The following MYL12A variants were observed in gnomAD, a reference collection of about 807,000 sequenced individuals.
The protein encoded by MYL12A is myosin regulatory light chain 12A.
MYL12A carries 11 observed loss-of-function variants against 13.3 expected under a neutral mutation model. The observed-to-expected ratio is 0.83, with a 90% CI of 0.52 to 1.37. The LOEUF (loss-of-function observed/expected upper bound fraction) is 1.37, where lower values mean the gene tolerates loss of function less well. Among genes scored for constraint, MYL12A ranks in the 40% most tolerant of loss-of-function variants. MYL12A has a pLI of 0.00. For missense variants in MYL12A, 146 were observed against 212.3 expected (o/e 0.69, Z 1.94); for synonymous variants, 51 against 69.9 (o/e 0.73, Z 1.35).
intron 1 of MYL12A, among the ~76,000 whole-genome samples, 178 bp from the exon 2 acceptor site, chr18:3,253,052 ATAT>A (rs1451945682): frequency 6.6e-6 from 1 of 152,180 alleles, no homozygotes; most frequent in Non-Finnish European, 1.5e-5. Flanking sequence ...GTTGTTAGTT[ATAT>A]AGCAGTACAG....
chr18:3,255,640 G>A, intron 3 of MYL12A, 106 bp from the exon 4 acceptor site: 1 of 1,352,200 alleles, frequency 7.4e-7, no homozygotes, highest in Non-Finnish European at 9.9e-7. Context: ...ATATTTGCAT[G>A]TTTATAGTTT....
chr18:3,250,544 G>A (rs763976871), intron 1 of MYL12A, among the ~76,000 whole-genome samples: 4 of 152,158 alleles, frequency 2.6e-5, no homozygotes, highest in African/African-American at 7.2e-5. Context: ...ACTCCCTATC[G>A]CTGAAAGGTT....
At chr18:3,250,772 A>G (rs370524567) in intron 1 of MYL12A, among the ~76,000 whole-genome samples, 1 of 152,140 alleles carries the variant, frequency 6.6e-6, no homozygotes, top group South Asian at 2.1e-4. Flanking sequence ...CTCCTCCCCA[A>G]TCCCTTAATT....
At chr18:3,253,495 TGAGTCTTA>T in intron 2 of MYL12A, 67 bp downstream of exon 2, 1 of 1,560,542 alleles carries the variant, frequency 6.4e-7, no homozygotes, top group South Asian at 1.2e-5. Context: ...CTTGATTTCA[TGAGTCTTA>T]AAGCTCTGTA....
chr18:3,251,558 C>T (rs990504233), intron 1 of MYL12A, among the ~76,000 whole-genome samples: 2 of 152,168 alleles, frequency 1.3e-5, no homozygotes, highest in African/African-American at 4.8e-5. Context: ...GCTCCAAGTC[C>T]TTGCGTACAT....
intron 3 of MYL12A, chr18:3,255,482 C>T (rs1178373577): frequency 1.7e-5 from 6 of 343,402 alleles, no homozygotes; most frequent in East Asian, 4.9e-5. Context: ...TAGGTTTAGT[C>T]TCTCTTATCA....
At chr18:3,248,820 A>G (rs1399913561) in intron 1 of MYL12A, among the ~76,000 whole-genome samples, 1 of 152,232 alleles carries the variant, frequency 6.6e-6, no homozygotes, top group Non-Finnish European at 1.5e-5. Flanking sequence ...TTCAACCGGA[A>G]GTTTGCATAA....
At position 3,256,014 on chromosome 18, in the gene MYL12A, C is replaced by T; in HGVS notation, c.*96C>T. The T allele has an allele frequency of 6.8e-7, 1 of 1,468,790 alleles. No homozygotes were observed. Among genetic ancestry groups the T allele is most frequent in the Non-Finnish European group, 9.2e-7 (1 of 1,086,998 alleles). The allele number at this position is 1,468,790 out of a possible 1,614,324, so 91.0% of individuals were successfully genotyped here. On this transcript the variant is annotated 3_prime_UTR_variant, in exon 4 of 4. Transcript: ENST00000217652. ...CCTTAGCTTTACAGCTTTTGCATTTCCTGTTGTATTTATTCTCAGCCATTT... is the reference window on the plus strand; with the variant it reads ...CCTTAGCTTTACAGCTTTTGCATTTTCTGTTGTATTTATTCTCAGCCATTT...
chr18:3,251,012 T>A (rs1444983189), intron 1 of MYL12A, among the ~76,000 whole-genome samples: 3 of 148,582 alleles, frequency 2.0e-5, no homozygotes, highest in Non-Finnish European at 4.5e-5. Context: ...AACTCTTAGC[T>A]AGTATTCAAC....
chr18:3,250,441 C>G (rs970130615), intron 1 of MYL12A, among the ~76,000 whole-genome samples: 1 of 152,136 alleles, frequency 6.6e-6, no homozygotes, highest in Admixed American at 6.5e-5. Context: ...TGATTTGACT[C>G]CCTCCACCAT....
chr18:3,250,333 G>A (rs996255327), intron 1 of MYL12A, among the ~76,000 whole-genome samples: 1 of 152,136 alleles, frequency 6.6e-6, no homozygotes, highest in Non-Finnish European at 1.5e-5. Context: ...AGTCTAAATT[G>A]TTTGAAGGAA....
intron 1 of MYL12A, chr18:3,248,463 T>G (rs977336736): frequency 1.3e-5 from 2 of 152,176 alleles, no homozygotes; most frequent in Admixed American, 6.5e-5. Context: ...CTTGTCCCAT[T>G]TGGGGGGAAA....
At chr18:3,253,558 C>T in intron 2 of MYL12A, 130 bp downstream of exon 2, 4 of 1,177,770 alleles carry the variant, frequency 3.4e-6, no homozygotes, top group Non-Finnish European at 4.7e-6. Context: ...AAGTGTGGAA[C>T]AGTGTTTCCC....
At position 3,255,980 on chromosome 18, in the gene MYL12A, C is replaced by G; in HGVS notation, c.*62C>G. 1.9e-6 allele frequency: 3 copies of G among 1,570,696 alleles called. No homozygotes were observed. The highest frequency in any genetic ancestry group is 2.6e-6 in the Non-Finnish European group (3 of 1,153,370). The stretch of plus-strand genomic sequence containing the variant: ...CACTTTGGGTATTCTGAGATTTTCT[C>G]TTGCATGCCCTTAGCTTTACAGCTT... On this transcript the variant is annotated 3_prime_UTR_variant, in exon 4 of 4. Coordinates refer to ENST00000217652, the MANE Select transcript of MYL12A (RefSeq NM_006471.4).
chr18:3,255,655 C>G, intron 3 of MYL12A, 91 bp from the exon 4 acceptor site: 1 of 1,405,870 alleles, frequency 7.1e-7, no homozygotes, highest in Non-Finnish European at 9.5e-7. Flanking sequence ...TAGTTTGTAA[C>G]ATACAGAACA....
intron 3 of MYL12A, 129 bp from the exon 4 acceptor site, chr18:3,255,617 C>A: frequency 1.7e-6 from 2 of 1,196,900 alleles, no homozygotes; most frequent in Non-Finnish European, 2.3e-6. Context: ...TAGGTGGACA[C>A]CCTGTAGTTC....
Position 3,253,253 on chromosome 18 carries a change from G to C in MYL12A, c.6G>C (p.Ser2=). Residue 2 remains serine, a synonymous_variant, in exon 2 of 4, where the codon TCG becomes TCC. Coordinates refer to ENST00000217652, the MANE Select transcript of MYL12A (RefSeq NM_006471.4). M[S]SKRTKTKTKK... ...ATTAGGACTTAACCACCACCATGTC[G>C]AGCAAAAGAACAAAGACCAAGACCA... is the stretch of plus-strand genomic sequence containing the variant. The C allele has an allele frequency of 6.2e-7, 1 of 1,612,470 alleles. No individual in the cohort carries two copies. The highest frequency in any genetic ancestry group is 2.2e-5 in the East Asian group (1 of 44,870).
intron 1 of MYL12A, chr18:3,252,324 T>C: frequency 1.3e-6 from 2 of 1,533,510 alleles, no homozygotes; most frequent in Non-Finnish European, 1.7e-6. Flanking sequence ...CTCTGAAGGA[T>C]GGTATGGTAG....
intron 1 of MYL12A, among the ~76,000 whole-genome samples, chr18:3,251,255 A>G (rs1017684289): frequency 6.6e-6 from 1 of 152,174 alleles, no homozygotes; most frequent in African/African-American, 2.4e-5. Flanking sequence ...AAAACATACT[A>G]CTTTACAACC....
Sources: allele counts gnomAD v4.1 joint callset (sites outside exome capture counted in the v4.1 genomes callset), GRCh38; gene constraint gnomAD v4.1.1; transcripts MANE v1.5; gene names NCBI Gene and HGNC (gene_info 2026-07-23, HGNC 2026-07-21).